The following ARL15 variants were observed in gnomAD, a reference collection of about 807,000 sequenced individuals.
ARL15 encodes the protein ADP-ribosylation factor-like protein 15.
A neutral mutation model predicts 25.2 loss-of-function variants in ARL15; 19 were observed. The ratio of observed to expected loss-of-function variants is 0.75; its 90% confidence interval spans 0.53 to 1.10. ARL15 has a LOEUF of 1.10. Among genes scored for constraint, ARL15 ranks in the 50% least tolerant of loss-of-function variants. ARL15 has a pLI of 0.00. For synonymous variants in ARL15, 94 were observed against 86.8 expected (o/e 1.08, Z -0.46); for missense variants, 220 against 246.0 (o/e 0.89, Z 0.71).
intron 1 of ARL15, among the ~76,000 whole-genome samples, chr5:54,285,871 C>T (rs1414292849): frequency 6.6e-6 from 1 of 152,108 alleles, no homozygotes; most frequent in Non-Finnish European, 1.5e-5. Flanking sequence ...AGAGTGACGA[C>T]CCGTTCCAAG....
intron 1 of ARL15, among the ~76,000 whole-genome samples, chr5:54,245,385 A>G (rs1188793611): frequency 6.6e-6 from 1 of 152,242 alleles, no homozygotes; most frequent in African/African-American, 2.4e-5. Flanking sequence ...ATGAGCAGAC[A>G]CTTTTTGAAT....
At chr5:53,970,413 G>A (rs546958228) in intron 4 of ARL15, among the ~76,000 whole-genome samples, 16 of 152,072 alleles carry the variant, frequency 1.1e-4, no homozygotes, top group Non-Finnish European at 7.4e-5. Context: ...CAAAGTTCCA[G>A]GTATTTCAAT....
chr5:54,247,047 T>C (rs1262305220), intron 1 of ARL15, among the ~76,000 whole-genome samples: 1 of 152,118 alleles, frequency 6.6e-6, no homozygotes, highest in African/African-American at 2.4e-5. Flanking sequence ...ATCTCTAAGA[T>C]AAATAATTCA....
intron 1 of ARL15, among the ~76,000 whole-genome samples, chr5:54,244,156 C>A (rs1757026575): frequency 6.6e-6 from 1 of 152,020 alleles, no homozygotes; most frequent in Non-Finnish European, 1.5e-5. Flanking sequence ...AAATAGCATC[C>A]CTATAAGTGA....
chr5:53,986,763 G>A (rs191061395), intron 4 of ARL15, among the ~76,000 whole-genome samples: 1 of 152,330 alleles, frequency 6.6e-6, no homozygotes, highest in East Asian at 1.9e-4. Flanking sequence ...CATCTGCTAT[G>A]TATCACATTC....
intron 1 of ARL15, among the ~76,000 whole-genome samples, chr5:54,191,398 G>A (rs1755395514): frequency 6.6e-6 from 1 of 151,934 alleles, no homozygotes; most frequent in South Asian, 2.1e-4. Context: ...TGGTGATGGT[G>A]GGGATATAAC....
At chr5:54,017,560 T>A (rs1431455530) in intron 4 of ARL15, among the ~76,000 whole-genome samples, 3 of 147,084 alleles carry the variant, frequency 2.0e-5, no homozygotes, top group Non-Finnish European at 3.0e-5. Flanking sequence ...TGTCAGAGTT[T>A]CTGGGGGAAT....
chr5:54,103,240 T>C (rs78064138), intron 4 of ARL15, among the ~76,000 whole-genome samples: 3,301 of 152,222 alleles, frequency 0.022, 122 homozygotes, highest in African/African-American at 0.076. Context: ...TAATTACCAC[T>C]TCACTATTAG....
chr5:53,937,825 CAA>C (rs34514317), intron 4 of ARL15, among the ~76,000 whole-genome samples: 39,761 of 141,652 alleles, frequency 0.28, 6,301 homozygotes, highest in Middle Eastern at 0.4. Context: ...TATGAAATGG[CAA>C]AAAAAAAAAA....
At chr5:53,936,890 A>C (rs1349445254) in intron 4 of ARL15, among the ~76,000 whole-genome samples, 2 of 152,182 alleles carry the variant, frequency 1.3e-5, no homozygotes, top group Non-Finnish European at 2.9e-5. Flanking sequence ...CATTTGCTTT[A>C]CTTTAAAAAG....
chr5:54,248,647 C>G (rs1391969527), intron 1 of ARL15, among the ~76,000 whole-genome samples: 1 of 152,202 alleles, frequency 6.6e-6, no homozygotes, highest in African/African-American at 2.4e-5. Flanking sequence ...CTTCTCTACT[C>G]GAATGTAAGT....
At chr5:54,079,838 C>T (rs1402327692) in intron 4 of ARL15, among the ~76,000 whole-genome samples, 1 of 151,946 alleles carries the variant, frequency 6.6e-6, no homozygotes, top group African/African-American at 2.4e-5. Flanking sequence ...GGCCTGGTGG[C>T]ACATGCCTGT....
intron 4 of ARL15, among the ~76,000 whole-genome samples, chr5:54,111,924 C>T (rs565791243): frequency 6.6e-6 from 1 of 152,048 alleles, no homozygotes; most frequent in South Asian, 2.1e-4. Context: ...GAGACACCAT[C>T]ATTATAATGC....
chr5:54,190,129 C>A (rs779387695), intron 1 of ARL15, among the ~76,000 whole-genome samples: 1 of 152,132 alleles, frequency 6.6e-6, no homozygotes, highest in Non-Finnish European at 1.5e-5. Context: ...TGGTGGCTCA[C>A]GCCTGTAATT....
chr5:54,259,508 C>T (rs564905065), intron 1 of ARL15, among the ~76,000 whole-genome samples: 2 of 152,202 alleles, frequency 1.3e-5, no homozygotes, highest in African/African-American at 4.8e-5. Flanking sequence ...GTTGAAATTC[C>T]CTGAAGTGAC....
chr5:54,148,861 C>T (rs1036800463), intron 3 of ARL15, among the ~76,000 whole-genome samples: 3 of 152,178 alleles, frequency 2.0e-5, no homozygotes, highest in Non-Finnish European at 2.9e-5. Flanking sequence ...TAATAACACA[C>T]CAAACATGTT....
intron 4 of ARL15, among the ~76,000 whole-genome samples, chr5:54,031,783 A>C (rs776010241): frequency 3.3e-5 from 5 of 152,186 alleles, no homozygotes; most frequent in Non-Finnish European, 5.9e-5. Context: ...AACTAAATGC[A>C]GTTTCCCCAT....
intron 4 of ARL15, among the ~76,000 whole-genome samples, chr5:54,064,104 A>G (rs1357249753): frequency 6.6e-6 from 1 of 152,196 alleles, no homozygotes; most frequent in Non-Finnish European, 1.5e-5. Flanking sequence ...AGAAATCCAG[A>G]GGCAGCACTT....
rs879766929 is a variant in ARL15, at chr5:54,132,641, G to GCAGCCCCTGA, written c.254-19232_254-19231insTCAGGGGCTG. Among the ~76,000 whole-genome samples the GCAGCCCCTGA allele has an allele frequency of 1.6e-3, 248 of 152,210 alleles. 2 individuals carry two copies. The highest frequency in any genetic ancestry group is 8.1e-3 in the Admixed American group (124 of 15,290). ...TAAAAGAATGGCTACTCCATAGATA[G>GCAGCCCCTGA]GGGCTGCTGGTTGCCATTTTTATGG... On this transcript the variant is annotated intron_variant, in intron 3 of 4. Coordinates refer to ENST00000504924, the MANE Select transcript of ARL15 (RefSeq NM_019087.3).
Sources: allele counts gnomAD v4.1 joint callset (sites outside exome capture counted in the v4.1 genomes callset), GRCh38; gene constraint gnomAD v4.1.1; transcripts MANE v1.5; gene names NCBI Gene and HGNC (gene_info 2026-07-23, HGNC 2026-07-21).